GNAQ: variants seen among roughly 807,000 people sequenced by gnomAD.
GNAQ encodes G protein subunit alpha q.
A neutral mutation model predicts 43.9 loss-of-function variants in GNAQ; 8 were observed. The observed-to-expected ratio is 0.18, with a 90% CI of 0.11 to 0.33. The LOEUF (loss-of-function observed/expected upper bound fraction) is 0.33, where lower values mean the gene tolerates loss of function less well. GNAQ is among the 10% of genes least tolerant of loss of function. The pLI is 1.00. For synonymous variants in GNAQ, 155 were observed against 170.7 expected (o/e 0.91, Z 0.71); for missense variants, 158 against 450.8 (o/e 0.35, Z 5.88).
chr9:77,800,338 G>A (rs866931552), intron 3 of GNAQ, among the ~76,000 whole-genome samples: 5 of 151,954 alleles, frequency 3.3e-5, no homozygotes, highest in Non-Finnish European at 5.9e-5. Flanking sequence ...GTCCAACAAT[G>A]ATAGACTGGA....
intron 1 of GNAQ, among the ~76,000 whole-genome samples, chr9:77,934,998 G>A (rs1384245456): frequency 6.6e-6 from 1 of 152,052 alleles, no homozygotes; most frequent in Non-Finnish European, 1.5e-5. Flanking sequence ...GGTGGTGTGG[G>A]CCTGTAGTCC....
chr9:77,912,197 G>T (rs1159904750), intron 2 of GNAQ, among the ~76,000 whole-genome samples: 7 of 152,106 alleles, frequency 4.6e-5, no homozygotes, highest in Admixed American at 3.9e-4. Flanking sequence ...GTGGCACAAA[G>T]ATATACAAAA....
intron 1 of GNAQ, among the ~76,000 whole-genome samples, chr9:77,969,826 T>C (rs1011019464): frequency 6.6e-6 from 1 of 152,194 alleles, no homozygotes; most frequent in African/African-American, 2.4e-5. Flanking sequence ...GAGCAAAGTG[T>C]TGTCTTAATT....
chr9:78,030,967 G>C (rs900350694), intron 1 of GNAQ, 133 bp downstream of exon 1: 31 of 495,914 alleles, frequency 6.3e-5, no homozygotes, highest in Non-Finnish European at 8.7e-5. Flanking sequence ...GGCAGTGGCC[G>C]GGGGCGCGCC....
At chr9:77,894,443 G>A (rs1296492880) in intron 2 of GNAQ, among the ~76,000 whole-genome samples, 1 of 13,598 alleles carries the variant, frequency 7.4e-5, no homozygotes, top group African/African-American at 2.6e-4. Flanking sequence ...TATATTTTTT[G>A]GAGACAGTCT....
intron 5 of GNAQ, among the ~76,000 whole-genome samples, chr9:77,739,865 A>C (rs1033937612): frequency 2.0e-5 from 3 of 152,224 alleles, no homozygotes; most frequent in African/African-American, 7.2e-5. Flanking sequence ...GTGAGGATGC[A>C]GAGGTAAGAG....
chr9:77,728,670 G>GT lies in GNAQ; in HGVS notation c.736-4_736-3insA. The GT allele has an allele frequency of 2.8e-6, 4 of 1,440,476 alleles. No individual in the cohort carries two copies. Among genetic ancestry groups the GT allele is most frequent in the Non-Finnish European group, 2.8e-6 (3 of 1,082,228 alleles). 89.2% of individuals were successfully genotyped at this position (1,440,476 alleles called of 1,614,324 possible). A position where few individuals can be genotyped will look rare whatever the true frequency, so the allele number is the denominator to read the frequency against. The stretch of plus-strand genomic sequence containing the variant: ...GCCTTGCTTTCCTCCATTCGGTTCT[G>GT]GAAAAAAAAAAAAAATCAGAAAAAA... On this transcript the variant is annotated splice_polypyrimidine_tract_variant and splice_region_variant and intron_variant, in intron 5 of 6. Transcript: ENST00000286548.
intron 1 of GNAQ, among the ~76,000 whole-genome samples, chr9:78,028,027 T>C (rs1388321810): frequency 6.6e-6 from 1 of 152,202 alleles, no homozygotes. Flanking sequence ...AGGTTATCTA[T>C]GTACCACCAA....
At chr9:77,909,173 T>C (rs1016902885) in intron 2 of GNAQ, among the ~76,000 whole-genome samples, 2 of 152,132 alleles carry the variant, frequency 1.3e-5, no homozygotes, top group African/African-American at 2.4e-5. Flanking sequence ...CCACAAAGCA[T>C]ATGGTATTGA....
intron 1 of GNAQ, among the ~76,000 whole-genome samples, chr9:77,982,293 C>T (rs939755743): frequency 2.6e-5 from 4 of 152,134 alleles, no homozygotes; most frequent in African/African-American, 9.7e-5. Context: ...ACTCCTGCCA[C>T]GCAGTTCAAA....
At chr9:77,855,028 TACCCCAGAAATGACG>T (rs1426473429) in intron 2 of GNAQ, among the ~76,000 whole-genome samples, 1 of 152,192 alleles carries the variant, frequency 6.6e-6, no homozygotes, top group Non-Finnish European at 1.5e-5. Flanking sequence ...AACTGTCTCT[TACCCCAGAAATGACG>T]TCAGTGGCAA....
chr9:77,769,020 G>A (rs1289734504), intron 5 of GNAQ, among the ~76,000 whole-genome samples: 1 of 152,186 alleles, frequency 6.6e-6, no homozygotes. Flanking sequence ...GAACTGTGTT[G>A]CCTGGGAAGA....
intron 2 of GNAQ, among the ~76,000 whole-genome samples, chr9:77,880,013 G>A (rs537646911): frequency 6.6e-6 from 1 of 152,320 alleles, no homozygotes; most frequent in South Asian, 2.1e-4. Context: ...CACACAGCAC[G>A]TTAGTGAGTA....
intron 1 of GNAQ, among the ~76,000 whole-genome samples, chr9:77,986,931 AT>A (rs1207971505): frequency 6.7e-6 from 1 of 148,206 alleles, no homozygotes; most frequent in Non-Finnish European, 1.5e-5. Context: ...TAAAGATTTT[AT>A]TCTTTTATTT....
intron 5 of GNAQ, among the ~76,000 whole-genome samples, chr9:77,766,970 C>A (rs1462487862): frequency 2.0e-5 from 3 of 152,064 alleles, no homozygotes; most frequent in Non-Finnish European, 4.4e-5. Flanking sequence ...TACTCTCTGA[C>A]TTCATGTTCT....
chr9:77,970,252 A>C (rs768284323), intron 1 of GNAQ, among the ~76,000 whole-genome samples: 15 of 152,054 alleles, frequency 9.9e-5, no homozygotes, highest in Admixed American at 7.9e-4. Flanking sequence ...AACAAACAAA[A>C]AAAACTGACT....
intron 5 of GNAQ, among the ~76,000 whole-genome samples, chr9:77,769,364 A>C (rs1587908228): frequency 6.6e-6 from 1 of 151,610 alleles, no homozygotes; most frequent in East Asian, 2.0e-4. Context: ...AGATTGCGCC[A>C]CTGCACTCCA....
rs571499476 is a variant in GNAQ at position 77,748,179 on chromosome 9, A to G, written c.736-19512T>C. Reference sequence around the variant, plus strand: ...CAGTGAAAGACATAATAACGGAATAAATATTTTCAGCTATTATCTTAAATG... The same window carrying G: ...CAGTGAAAGACATAATAACGGAATAGATATTTTCAGCTATTATCTTAAATG... On this transcript the variant is annotated intron_variant, in intron 5 of 6. Transcript: ENST00000286548. Among the ~76,000 whole-genome samples the G allele has an allele frequency of 1.6e-4, 24 of 152,318 alleles. No homozygotes were observed. The South Asian group carries it at 4.8e-3, about 30-fold the overall frequency.
intron 5 of GNAQ, among the ~76,000 whole-genome samples, chr9:77,740,204 T>A (rs774194937): frequency 6.6e-6 from 1 of 152,200 alleles, no homozygotes; most frequent in African/African-American, 2.4e-5. Flanking sequence ...TGGATAAGAA[T>A]TTGGTCTGCC....
Sources: gnomAD v4.1 joint callset for allele counts (sites outside exome capture counted in the v4.1 genomes callset) on GRCh38, gnomAD v4.1.1 for gene constraint, MANE v1.5 for transcripts, NCBI Gene and HGNC (gene_info 2026-07-23, HGNC 2026-07-21) for gene names.